The following ZNF57 variants were observed in gnomAD, a reference collection of about 807,000 sequenced individuals.
ZNF57 encodes zinc finger protein 57.
In ZNF57, 11 loss-of-function variants were observed where a neutral mutation model predicts 13.4. The observed-to-expected ratio is 0.82, with a 90% confidence interval of 0.52 to 1.36. The LOEUF (loss-of-function observed/expected upper bound fraction) is 1.36. Among genes scored for constraint, ZNF57 ranks in the 40% most tolerant of loss-of-function variants. The probability of loss-of-function intolerance (pLI) is 0.00; values close to 1 mark genes in which losing one functional copy is unlikely to be tolerated. For synonymous variants in ZNF57, 224 were observed against 238.5 expected (o/e 0.94, Z 0.56); for missense variants, 696 against 667.5 (o/e 1.04, Z -0.47).
chr19:2,905,764 C>A (rs77576861), intron 1 of ZNF57, among the ~76,000 whole-genome samples: 1,052 of 120,444 alleles, frequency 8.7e-3, no homozygotes, highest in Admixed American at 9.6e-3. Flanking sequence ...GACTCTGTCT[C>A]AAAAAAAAAA....
intron 2 of ZNF57, 56 bp from the exon 3 acceptor site, chr19:2,916,022 C>A: frequency 6.4e-7 from 1 of 1,557,932 alleles, no homozygotes; most frequent in Non-Finnish European, 8.7e-7. Flanking sequence ...TCAGTGTCTT[C>A]CTTTGCTTAA....
At chr19:2,902,996 G>A (rs2088041795) in intron 1 of ZNF57, among the ~76,000 whole-genome samples, 1 of 152,188 alleles carries the variant, frequency 6.6e-6, no homozygotes, top group Non-Finnish European at 1.5e-5. Context: ...TGCACTGGAG[G>A]CCGCTGAGGG....
In ZNF57 at chr19:2,917,895, G is replaced by A. The variant is rs1401722317; in HGVS notation, c.1274G>A (p.Cys425Tyr). Residue 425 changes from cysteine (C) to tyrosine (Y), a missense_variant, in exon 4 of 4, where the codon TGT becomes TAT. Cys to Tyr is a radical substitution (Grantham distance 194). Transcript: ENST00000306908. The part of the protein sequence containing the change: ...TGEKPYECKQ[C>Y]GKTFTWSSTF... Reference sequence around the variant, plus strand: ...GAGAAGCCTTATGAGTGTAAACAATGTGGAAAAACCTTCACTTGGTCCTCA... The same window carrying A: ...GAGAAGCCTTATGAGTGTAAACAATATGGAAAAACCTTCACTTGGTCCTCA... 2 of 1,613,856 alleles carry A rather than the reference G, an allele frequency of 1.2e-6. No homozygotes were observed. The highest frequency in any genetic ancestry group is 3.3e-5 in the Admixed American group (2 of 59,958).
At chr19:2,903,232 T>A (rs1315001999) in intron 1 of ZNF57, among the ~76,000 whole-genome samples, 1 of 152,162 alleles carries the variant, frequency 6.6e-6, no homozygotes, top group Non-Finnish European at 1.5e-5. Context: ...TTGTTTTTCT[T>A]TTTTGGAGAC....
chr19:2,913,402 C>A (rs976047211), intron 1 of ZNF57, among the ~76,000 whole-genome samples: 1 of 151,946 alleles, frequency 6.6e-6, no homozygotes, highest in Non-Finnish European at 1.5e-5. Context: ...CCTATTGTGT[C>A]GAGGTGGACC....
chr19:2,917,461 T>C lies in ZNF57; in HGVS notation c.840T>C (p.Tyr280=). The C allele has an allele frequency of 6.2e-7, 1 of 1,614,052 alleles. No homozygotes were observed. The highest frequency in any genetic ancestry group is 8.5e-7 in the Non-Finnish European group (1 of 1,179,996). The part of the protein sequence containing the change: ...HMTTHTGEKP[Y]KCQHCGKAFT... ...CAACACACACTGGAGAGAAGCCCTA[T>C]AAATGTCAGCACTGTGGGAAAGCCT... Residue 280 remains tyrosine (Y), a synonymous_variant, in exon 4 of 4, where the codon TAT becomes TAC. Transcript: ENST00000306908.
chr19:2,917,297 T>TG lies in ZNF57; in HGVS notation c.677dup (p.Cys226TrpfsTer9), dbSNP rs758243582. 1 of 1,614,076 alleles carries TG rather than the reference T, an allele frequency of 6.2e-7. No homozygotes were observed. Among genetic ancestry groups the TG allele is most frequent in the Non-Finnish European group, 8.5e-7 (1 of 1,179,962 alleles). ...TCACACAGCAGAGAAAACCTACAAA[T>TG]GCGAGCAGTGTCGGATGGCGTTTAA... On this transcript the variant is annotated frameshift_variant, in exon 4 of 4. Coordinates refer to ENST00000306908, the MANE Select transcript of ZNF57 (RefSeq NM_173480.3). LOFTEE classifies it low-confidence loss of function (END_TRUNC).
rs776415059 is a variant in ZNF57 at position 2,917,187 on chromosome 19, CT to C, written c.567del (p.Asp190ThrfsTer26). ...CPSHLHSHGR[T>X]DTEEKPYKCQ... ...TCACACCTACACAGTCACGGAAGAA[CT>C]GACACTGAGGAGAAGCCGTATAAGT... On this transcript the variant is annotated frameshift_variant, in exon 4 of 4. Transcript: ENST00000306908. LOFTEE classifies it low-confidence loss of function (END_TRUNC). 9.3e-6 allele frequency: 15 copies of C among 1,614,078 alleles called. No homozygotes were observed. The highest frequency in any genetic ancestry group is 1.3e-5 in the Non-Finnish European group (15 of 1,180,042).
intron 1 of ZNF57, among the ~76,000 whole-genome samples, chr19:2,903,019 T>C (rs2088042060): frequency 6.6e-6 from 1 of 152,184 alleles, no homozygotes; most frequent in African/African-American, 2.4e-5. Context: ...CAGCGGGGTC[T>C]GGCTGGGCAG....
chr19:2,915,741 A>G, intron 2 of ZNF57, 93 bp downstream of exon 2: 2 of 1,578,072 alleles, frequency 1.3e-6, no homozygotes, highest in Admixed American at 3.4e-5. Context: ...GGAAAGGACT[A>G]AGACAGACAT....
At chr19:2,903,206 G>C (rs1201163023) in intron 1 of ZNF57, among the ~76,000 whole-genome samples, 1 of 152,172 alleles carries the variant, frequency 6.6e-6, no homozygotes. Flanking sequence ...AGTGGGTTTA[G>C]TTTATGCTTT....
intron 1 of ZNF57, among the ~76,000 whole-genome samples, chr19:2,907,379 C>G (rs1010206932): frequency 6.6e-6 from 1 of 152,126 alleles, no homozygotes; most frequent in African/African-American, 2.4e-5. Context: ...AGCCTGTCCC[C>G]GTGCCTGGCT....
intron 1 of ZNF57, among the ~76,000 whole-genome samples, chr19:2,913,963 T>TA (rs2088165163): frequency 6.6e-6 from 1 of 152,080 alleles, no homozygotes; most frequent in African/African-American, 2.4e-5. Flanking sequence ...TTCTATTGTT[T>TA]AAAATGTGTT....
At chr19:2,904,954 G>A (rs547985677) in intron 1 of ZNF57, among the ~76,000 whole-genome samples, 3 of 152,306 alleles carry the variant, frequency 2.0e-5, no homozygotes, top group South Asian at 4.1e-4. Flanking sequence ...ACAGTGAGAT[G>A]TGCATTATGC....
chr19:2,917,362 A>G lies in ZNF57; in HGVS notation c.741A>G (p.Thr247=). 1 of 1,614,236 alleles carries G rather than the reference A, an allele frequency of 6.2e-7. No homozygotes were observed. The highest frequency in any genetic ancestry group is 1.3e-5 in the African/African-American group (1 of 75,066). The change falls in exon 4 of 4, where the codon ACA becomes ACG. Residue 247 remains threonine, a synonymous_variant. Coordinates refer to ENST00000306908, the MANE Select transcript of ZNF57 (RefSeq NM_173480.3). ...TCACTAGACATGTGAGAACTCACACAAAAGACAGGCCATATAAATGTCAGG... is the reference window on the plus strand; with the variant it reads ...TCACTAGACATGTGAGAACTCACACGAAAGACAGGCCATATAAATGTCAGG... ...ASFTRHVRTH[T]KDRPYKCQEC...
chr19:2,913,806 A>G (rs554127160), intron 1 of ZNF57, among the ~76,000 whole-genome samples: 1 of 152,198 alleles, frequency 6.6e-6, no homozygotes, highest in Admixed American at 6.6e-5. Context: ...ATACCCAGCA[A>G]ATTTTTGCAT....
chr19:2,901,838 G>A (rs904189694), intron 1 of ZNF57, among the ~76,000 whole-genome samples: 6 of 152,136 alleles, frequency 3.9e-5, no homozygotes, highest in African/African-American at 1.2e-4. Context: ...TTATAGGTTT[G>A]GGACAGGCAT....
intron 1 of ZNF57, among the ~76,000 whole-genome samples, chr19:2,910,706 C>T (rs2088124589): frequency 8.7e-6 from 1 of 114,922 alleles, no homozygotes; most frequent in African/African-American, 2.9e-5. Context: ...GTGATCTGCC[C>T]GCCTCGGCCT....
At chr19:2,913,449 A>C (rs1161620368) in intron 1 of ZNF57, among the ~76,000 whole-genome samples, 1 of 152,076 alleles carries the variant, frequency 6.6e-6, no homozygotes, top group Non-Finnish European at 1.5e-5. Context: ...TAGGATAGGT[A>C]TTTATAGCTA....
Sources: allele counts gnomAD v4.1 joint callset (sites outside exome capture counted in the v4.1 genomes callset), GRCh38; gene constraint gnomAD v4.1.1; transcripts MANE v1.5; gene names NCBI Gene and HGNC (gene_info 2026-07-23, HGNC 2026-07-21).